Variants in CNTNAP2 observed in about 807,000 individuals in gnomAD.
CNTNAP2 encodes contactin-associated protein-like 2.
In CNTNAP2, 98 loss-of-function variants were observed where a neutral mutation model predicts 155.2. The observed-to-expected ratio is 0.63, with a 90% confidence interval of 0.54 to 0.75. CNTNAP2 has a LOEUF of 0.75. Among genes scored for constraint, CNTNAP2 ranks in the 30% least tolerant of loss-of-function variants. CNTNAP2 has a pLI of 0.00. For missense variants in CNTNAP2, 1,727 were observed against 1,688.1 expected (o/e 1.02, Z -0.40); for synonymous variants, 651 against 631.2 (o/e 1.03, Z -0.47).
At chr7:147,086,094 A>C (rs1414105404) in intron 4 of CNTNAP2, among the ~76,000 whole-genome samples, 1 of 152,200 alleles carries the variant, frequency 6.6e-6, no homozygotes, top group Non-Finnish European at 1.5e-5. Flanking sequence ...AGTGTTTTCA[A>C]CCTGAATACT....
intron 1 of CNTNAP2, among the ~76,000 whole-genome samples, chr7:146,761,284 T>TGGAA (rs369635102): frequency 0.079 from 11,463 of 144,502 alleles, 485 homozygotes; most frequent in Admixed American, 0.14. Context: ...TCATAATTGC[T>TGGAA]GGAAGGAAGG....
intron 1 of CNTNAP2, among the ~76,000 whole-genome samples, chr7:146,127,441 G>A (rs1797652822): frequency 6.6e-6 from 1 of 152,118 alleles, no homozygotes; most frequent in South Asian, 2.1e-4. Flanking sequence ...TTACCCCATA[G>A]TATCGACAAC....
intron 1 of CNTNAP2, among the ~76,000 whole-genome samples, chr7:146,554,872 C>T (rs1404354478): frequency 1.3e-5 from 2 of 152,222 alleles, no homozygotes; most frequent in Admixed American, 6.5e-5. Flanking sequence ...GGAAATTGCA[C>T]ATATATAGCA....
chr7:147,718,470 T>A (rs1393363511), intron 13 of CNTNAP2, among the ~76,000 whole-genome samples: 1 of 152,158 alleles, frequency 6.6e-6, no homozygotes, highest in African/African-American at 2.4e-5. Context: ...TTATTAATAT[T>A]TCCAGTTTTT....
chr7:146,464,231 C>G (rs568046397), intron 1 of CNTNAP2, among the ~76,000 whole-genome samples: 2 of 113,808 alleles, frequency 1.8e-5, no homozygotes, highest in African/African-American at 6.5e-5. Context: ...TCTCTCCAAA[C>G]AACAAACAAA....
chr7:147,569,853 T>G (rs1390894008), intron 12 of CNTNAP2, among the ~76,000 whole-genome samples: 5 of 152,244 alleles, frequency 3.3e-5, no homozygotes, highest in African/African-American at 1.2e-4. Context: ...CTTGCCAGGC[T>G]GAGACCAAGG....
At chr7:147,554,942 A>T (rs1383392360) in intron 11 of CNTNAP2, among the ~76,000 whole-genome samples, 3 of 152,176 alleles carry the variant, frequency 2.0e-5, no homozygotes, top group Non-Finnish European at 1.5e-5. Flanking sequence ...TGTACTAATT[A>T]AAAATAATTG....
chr7:146,371,369 T>G (rs1479805769), intron 1 of CNTNAP2, among the ~76,000 whole-genome samples: 7 of 133,170 alleles, frequency 5.3e-5, no homozygotes, highest in South Asian at 2.5e-4. Flanking sequence ...GTATTAGTTT[T>G]TTTTTTTTTT....
chr7:146,949,506 T>A (rs567052388), intron 3 of CNTNAP2, among the ~76,000 whole-genome samples: 12 of 152,192 alleles, frequency 7.9e-5, no homozygotes, highest in Non-Finnish European at 1.8e-4. Context: ...GCAGGTCTTT[T>A]TTCCATCACC....
At chr7:146,861,755 C>T (rs1375465832) in intron 3 of CNTNAP2, among the ~76,000 whole-genome samples, 3 of 152,138 alleles carry the variant, frequency 2.0e-5, no homozygotes, top group African/African-American at 7.2e-5. Context: ...TACATCGCTT[C>T]ATCTGACTAC....
At chr7:146,469,447 C>T (rs1429789424) in intron 1 of CNTNAP2, among the ~76,000 whole-genome samples, 1 of 150,884 alleles carries the variant, frequency 6.6e-6, no homozygotes, top group Non-Finnish European at 1.5e-5. Flanking sequence ...TCTTTTGAAG[C>T]TCATACATGC....
At chr7:148,408,985 T>C (rs1213225452) in intron 22 of CNTNAP2, among the ~76,000 whole-genome samples, 1 of 152,226 alleles carries the variant, frequency 6.6e-6, no homozygotes, top group Admixed American at 6.5e-5. Context: ...ATACTGTAGC[T>C]GTAAAAAGCT....
At chr7:147,165,198 G>T (rs372750672) in intron 8 of CNTNAP2, among the ~76,000 whole-genome samples, 74 of 152,208 alleles carry the variant, frequency 4.9e-4, no homozygotes, top group African/African-American at 1.7e-3. Context: ...ATTCTTGCAG[G>T]AGTAAGGGGG....
At chr7:147,212,905 G>A (rs1803188111) in intron 8 of CNTNAP2, among the ~76,000 whole-genome samples, 1 of 152,048 alleles carries the variant, frequency 6.6e-6, no homozygotes, top group African/African-American at 2.4e-5. Flanking sequence ...TTCCTGGTGT[G>A]TTTTTAAGTG....
chr7:146,253,609 T>G (rs1214813663), intron 1 of CNTNAP2, among the ~76,000 whole-genome samples: 1 of 152,188 alleles, frequency 6.6e-6, no homozygotes, highest in Non-Finnish European at 1.5e-5. Context: ...CCAAACTGAG[T>G]TGTTGCTGTA....
At chr7:146,276,940 T>C (rs559280165) in intron 1 of CNTNAP2, among the ~76,000 whole-genome samples, 5 of 152,208 alleles carry the variant, frequency 3.3e-5, no homozygotes, top group African/African-American at 9.6e-5. Context: ...ACCCAGTACC[T>C]GTGAATGTGA....
chr7:148,024,227 G>C (rs1433464657), intron 15 of CNTNAP2, among the ~76,000 whole-genome samples: 1 of 144,460 alleles, frequency 6.9e-6, no homozygotes, highest in African/African-American at 2.6e-5. Context: ...GCTAGATACA[G>C]AATGAAAAAT....
chr7:146,941,054 T>A (rs1227376988), intron 3 of CNTNAP2, among the ~76,000 whole-genome samples: 1 of 152,102 alleles, frequency 6.6e-6, no homozygotes, highest in African/African-American at 2.4e-5. Flanking sequence ...CCTATTTTTT[T>A]AAACCATTCA....
In CNTNAP2 at chr7:147,880,056, T is replaced by G. The variant is rs1799492551; in HGVS notation, c.2099-23509T>G. On this transcript the variant is annotated intron_variant, in intron 13 of 23. Coordinates refer to ENST00000361727, the MANE Select transcript of CNTNAP2 (RefSeq NM_014141.6). ...TTCCTCTCCTAGACAGACTAAAACC[T>G]TTCTTCTCCCGCAGCGTTAGCGCTC... Among the ~76,000 whole-genome samples, 3 of 152,208 alleles carry G rather than the reference T, an allele frequency of 2.0e-5. No homozygotes were observed. The South Asian group carries it at 6.2e-4, about 32-fold the overall frequency.
Sources: allele counts gnomAD v4.1 joint callset (sites outside exome capture counted in the v4.1 genomes callset), GRCh38; gene constraint gnomAD v4.1.1; transcripts MANE v1.5; gene names NCBI Gene and HGNC (gene_info 2026-07-23, HGNC 2026-07-21).